FSIP1: variants seen among roughly 807,000 people sequenced by gnomAD.
FSIP1 encodes the protein fibrous sheath interacting protein 1.
In FSIP1, 65 loss-of-function variants were observed where a neutral mutation model predicts 60.9. That is an observed-to-expected ratio of 1.07 (90% CI 0.87 to 1.31). The LOEUF is 1.31. Ranked by LOEUF, FSIP1 falls within the 40% of genes most tolerant of loss-of-function variation. The pLI, the probability that FSIP1 is intolerant of heterozygous loss-of-function variation, is 0.00. For missense variants in FSIP1, 675 were observed against 665.5 expected (o/e 1.01, Z -0.16); for synonymous variants, 209 against 221.2 (o/e 0.94, Z 0.49).
chr15:39,727,464 C>T (rs987799176), intron 8 of FSIP1, among the ~76,000 whole-genome samples: 4 of 152,160 alleles, frequency 2.6e-5, no homozygotes, highest in African/African-American at 9.7e-5. Flanking sequence ...GAAAACAAGA[C>T]CTTAATCAAA....
intron 1 of FSIP1, among the ~76,000 whole-genome samples, chr15:39,782,237 G>A (rs1363134709): frequency 6.6e-6 from 1 of 152,204 alleles, no homozygotes; most frequent in Admixed American, 6.5e-5. Context: ...ATTTCTTCAC[G>A]AGAAAAGTTG....
chr15:39,616,967 T>C (rs1275778773), intron 11 of FSIP1, among the ~76,000 whole-genome samples: 1 of 152,118 alleles, frequency 6.6e-6, no homozygotes, highest in Non-Finnish European at 1.5e-5. Context: ...AGAGAAGTAA[T>C]TCAGTGATGA....
chr15:39,723,509 G>T (rs533238633), intron 9 of FSIP1, among the ~76,000 whole-genome samples: 1 of 152,196 alleles, frequency 6.6e-6, no homozygotes, highest in Non-Finnish European at 1.5e-5. Context: ...GATTACAGGC[G>T]TGAGCCACCA....
chr15:39,672,201 G>C (rs1474764225), intron 10 of FSIP1, among the ~76,000 whole-genome samples: 1 of 152,182 alleles, frequency 6.6e-6, no homozygotes, highest in African/African-American at 2.4e-5. Flanking sequence ...CAAGATGAAG[G>C]CGTCAAGATG....
At chr15:39,720,767 C>T (rs13380080) in intron 9 of FSIP1, among the ~76,000 whole-genome samples, 4,903 of 152,060 alleles carry the variant, frequency 0.032, 212 homozygotes, top group East Asian at 0.21. Flanking sequence ...ATTTACAATA[C>T]GTGGAAAGAA....
At chr15:39,709,303 A>G (rs1895401291) in intron 10 of FSIP1, among the ~76,000 whole-genome samples, 1 of 152,230 alleles carries the variant, frequency 6.6e-6, no homozygotes, top group South Asian at 2.1e-4. Flanking sequence ...AGGCAGAATA[A>G]GGCAAAACTG....
rs552329381 is a variant in FSIP1 at position 39,621,036 on chromosome 15, A to C, written c.1189-2791T>G. 8.0e-4 allele frequency among the ~76,000 whole-genome samples: 120 copies of C among 150,712 alleles called. 1 individual carries two copies. The highest frequency in any genetic ancestry group is 2.7e-3 in the African/African-American group (110 of 40,640). On this transcript the variant is annotated intron_variant, in intron 10 of 11. Transcript: ENST00000350221. ...GAGCCAGAAATTTATATAATCTTGAAGCAAGAGAAGGGCATTTCTTAAAAA... is the reference window on the plus strand; with the variant it reads ...GAGCCAGAAATTTATATAATCTTGACGCAAGAGAAGGGCATTTCTTAAAAA...
At chr15:39,648,212 C>CA (rs35577831) in intron 10 of FSIP1, among the ~76,000 whole-genome samples, 1,490 of 117,484 alleles carry the variant, frequency 0.013, 20 homozygotes, top group African/African-American at 0.037. Context: ...AAATTGCTAC[C>CA]AAAAAAAAAA....
chr15:39,764,629 C>A (rs1418095676), intron 4 of FSIP1, among the ~76,000 whole-genome samples: 1 of 152,104 alleles, frequency 6.6e-6, no homozygotes, highest in Non-Finnish European at 1.5e-5. Context: ...CAAGTCAATG[C>A]CAACATCTAG....
intron 9 of FSIP1, among the ~76,000 whole-genome samples, chr15:39,716,852 G>T: frequency 8.5e-6 from 1 of 117,510 alleles, no homozygotes. Flanking sequence ...GTCTCGCTCT[G>T]TTGCCAGGCT....
At chr15:39,659,785 C>T (rs560199575) in intron 10 of FSIP1, among the ~76,000 whole-genome samples, 1 of 151,980 alleles carries the variant, frequency 6.6e-6, no homozygotes, top group South Asian at 2.1e-4. Flanking sequence ...GTGTATATCA[C>T]TATAACATGT....
At chr15:39,647,065 G>C (rs1892647683) in intron 10 of FSIP1, among the ~76,000 whole-genome samples, 1 of 90,296 alleles carries the variant, frequency 1.1e-5, no homozygotes, top group Non-Finnish European at 3.1e-5. Flanking sequence ...GTTGTTACCA[G>C]GGGTGATAGA....
Position 39,731,510 on chromosome 15 carries a change from T to C in FSIP1, c.892-4763A>G, listed in dbSNP as rs1896402267. On this transcript the variant is annotated intron_variant, in intron 8 of 11. Transcript: ENST00000350221. ...TTCTGTCTGAATGGGATTATTTTCA[T>C]ATGACACTGAAGTTAAAAGAGTATG... Among the ~76,000 whole-genome samples the C allele has an allele frequency of 2.6e-5, 4 of 152,220 alleles. No individual in the cohort carries two copies. The South Asian group carries it at 8.3e-4, about 32-fold the overall frequency.
chr15:39,736,394 T>C (rs1896610330), intron 8 of FSIP1, among the ~76,000 whole-genome samples: 1 of 152,190 alleles, frequency 6.6e-6, no homozygotes, highest in Non-Finnish European at 1.5e-5. Flanking sequence ...TGTAGATATG[T>C]TTTTGCTTTT....
chr15:39,724,681 T>G (rs1173738476), intron 9 of FSIP1, among the ~76,000 whole-genome samples: 1 of 152,206 alleles, frequency 6.6e-6, no homozygotes, highest in Non-Finnish European at 1.5e-5. Context: ...AAAATACATC[T>G]TTTGGATGGC....
In FSIP1 at chr15:39,770,586, A is replaced by G; in HGVS notation, c.151T>C (p.Ser51Pro). The G allele has an allele frequency of 6.5e-7, 1 of 1,548,246 alleles. No individual in the cohort carries two copies. Among genetic ancestry groups the G allele is most frequent in the Non-Finnish European group, 8.7e-7 (1 of 1,152,586 alleles). The change falls in exon 3 of 12, where the codon TCT becomes CCT. Residue 51 changes from serine to proline, a missense_variant. Transcript: ENST00000350221. ...CTTTCGGAGTGGTCCTCTTTACCAG[A>G]GTTCAAGTTGCTTGCAGTATCGACC... ...FKVDTASNLN[S>P]GKEDHSESSN...
chr15:39,676,819 A>G (rs112961821), intron 10 of FSIP1, among the ~76,000 whole-genome samples: 4,903 of 152,338 alleles, frequency 0.032, 250 homozygotes, highest in African/African-American at 0.11. Flanking sequence ...CAGGATTACC[A>G]TGAGTTTTCA....
At chr15:39,738,065 A>G (rs769867986) in intron 8 of FSIP1, 26 bp downstream of exon 8, 6 of 1,204,954 alleles carry the variant, frequency 5.0e-6, no homozygotes, top group Non-Finnish European at 7.3e-6. Context: ...TAAGAAGTGT[A>G]GTGTTCCCTA....
chr15:39,659,509 T>G (rs1283139023), intron 10 of FSIP1, among the ~76,000 whole-genome samples: 1 of 147,292 alleles, frequency 6.8e-6, no homozygotes, highest in Non-Finnish European at 1.5e-5. Flanking sequence ...GCCACTGCAC[T>G]CCAGCCTGAG....
Sources: allele counts gnomAD v4.1 joint callset (sites outside exome capture counted in the v4.1 genomes callset), GRCh38; gene constraint gnomAD v4.1.1; transcripts MANE v1.5; gene names NCBI Gene and HGNC (gene_info 2026-07-23, HGNC 2026-07-21).